SLC38A8: variants seen among roughly 807,000 people sequenced by gnomAD.
The protein encoded by SLC38A8 is amino acid transporter SLC38A8.
Under a neutral mutation model 46.0 loss-of-function variants are expected in SLC38A8, and 65 were observed. The ratio of observed to expected loss-of-function variants is 1.41; its 90% CI spans 1.16 to 1.74. The LOEUF is 1.74. SLC38A8 is among the 40% of genes most tolerant of loss of function. SLC38A8 has a pLI of 0.00. For synonymous variants in SLC38A8, 447 were observed against 243.7 expected, an observed-to-expected ratio of 1.83 and a Z score of -7.77; for missense variants, 998 against 567.9, an observed-to-expected ratio of 1.76 and a Z score of -7.70.
intron 9 of SLC38A8, among the ~76,000 whole-genome samples, chr16:84,013,721 A>AC (rs888560651): frequency 2.1e-5 from 3 of 139,778 alleles, no homozygotes; most frequent in African/African-American, 8.1e-5. Context: ...GAGCCACTGC[A>AC]CCCAGCCCTT....
At chr16:84,020,055 G>A (rs930824386) in intron 7 of SLC38A8, among the ~76,000 whole-genome samples, 4 of 152,198 alleles carry the variant, frequency 2.6e-5, no homozygotes, top group South Asian at 2.1e-4. Flanking sequence ...AGTCCCAGTG[G>A]CAGTCCCACT....
chr16:84,013,153 C>T, intron 9 of SLC38A8, 101 bp from the exon 10 acceptor site: 1 of 1,391,614 alleles, frequency 7.2e-7, no homozygotes, highest in Non-Finnish European at 1.0e-6. Flanking sequence ...GCCAGCAAGG[C>T]CTCCGCCCAT....
At chr16:84,034,038 G>C (rs2085275530) in intron 3 of SLC38A8, among the ~76,000 whole-genome samples, 1 of 152,188 alleles carries the variant, frequency 6.6e-6, no homozygotes, top group African/African-American at 2.4e-5. Context: ...GTTGCTTGGG[G>C]GGTCTCTGGC....
At chr16:84,042,859 G>A (rs1431599055), upstream of SLC38A8, among the ~76,000 whole-genome samples, 1 of 146,308 alleles carries the variant, frequency 6.8e-6, no homozygotes, top group African/African-American at 2.6e-5. Flanking sequence ...CCAGCCCCCT[G>A]CAGGCCCGGC....
At chr16:84,016,816 C>T (rs1301286704) in intron 8 of SLC38A8, 89 bp from the exon 9 acceptor site, 20 of 1,369,586 alleles carry the variant, frequency 1.5e-5, no homozygotes, top group Non-Finnish European at 1.8e-5. Flanking sequence ...CAGGAGTCCC[C>T]TCACACCTGT....
chr16:84,027,379 A>G (rs1196058982), intron 6 of SLC38A8, among the ~76,000 whole-genome samples: 1 of 150,488 alleles, frequency 6.6e-6, no homozygotes, highest in Non-Finnish European at 1.5e-5. Flanking sequence ...AAACAAACAA[A>G]CAAACAAACA....
At chr16:84,021,625 C>A (rs189019477) in intron 7 of SLC38A8, among the ~76,000 whole-genome samples, 50 of 152,314 alleles carry the variant, frequency 3.3e-4, no homozygotes, top group Non-Finnish European at 5.9e-4. Flanking sequence ...TAGCCTGCTC[C>A]TCCGAATTCT....
In SLC38A8 at chr16:84,042,164, A is replaced by AGGC. The variant is rs1186543900; in HGVS notation, c.-2-8_-2-6dup. 6.2e-7 allele frequency: 1 copy of AGGC among 1,604,118 alleles called. No homozygotes were observed. Among genetic ancestry groups the AGGC allele is most frequent in the Non-Finnish European group, 8.5e-7 (1 of 1,176,094 alleles). On this transcript the variant is annotated splice_region_variant and splice_polypyrimidine_tract_variant and intron_variant, in intron 1 of 10. Coordinates refer to ENST00000299709, the MANE Select transcript of SLC38A8 (RefSeq NM_001080442.3). Reference sequence around the variant, plus strand: ...CTGGGGTCTGTCCCTCCATGGCTAGAGGCGGCAGAGGGGTGGAGAGAAAGC... The same window carrying AGGC: ...CTGGGGTCTGTCCCTCCATGGCTAGAGGCGGCGGCAGAGGGGTGGAGAGAAAGC...
At chr16:84,018,015 T>C (rs1453659389) in intron 7 of SLC38A8, among the ~76,000 whole-genome samples, 1 of 152,056 alleles carries the variant, frequency 6.6e-6, no homozygotes, top group Non-Finnish European at 1.5e-5. Context: ...AACCACAGTA[T>C]CTTAGTCCAT....
chr16:84,042,266 G>A (rs966279222), intron 1 of SLC38A8, 107 bp from the exon 2 acceptor site: 18 of 1,202,852 alleles, frequency 1.5e-5, no homozygotes, highest in South Asian at 1.3e-4. Context: ...TCCCTGAGCC[G>A]CTCCTGCCCG....
At chr16:84,028,295 G>C (rs8058109) in intron 6 of SLC38A8, among the ~76,000 whole-genome samples, 2 of 151,996 alleles carry the variant, frequency 1.3e-5, no homozygotes, top group African/African-American at 4.8e-5. Flanking sequence ...AAAATAAGCA[G>C]CGTGGCCAGG....
intron 10 of SLC38A8, among the ~76,000 whole-genome samples, chr16:84,012,120 T>C (rs1236142936): frequency 2.0e-5 from 3 of 152,170 alleles, no homozygotes; most frequent in Non-Finnish European, 4.4e-5. Context: ...CTCCCCACCA[T>C]GCCCCAATTT....
intron 5 of SLC38A8, among the ~76,000 whole-genome samples, chr16:84,031,212 A>C (rs2010830): frequency 6.6e-6 from 1 of 151,816 alleles, no homozygotes; most frequent in East Asian, 1.9e-4. Context: ...GCTGAATTTT[A>C]TATTTTTATG....
chr16:84,035,929 G>T (rs145115045), intron 3 of SLC38A8, among the ~76,000 whole-genome samples: 5 of 152,192 alleles, frequency 3.3e-5, no homozygotes, highest in Admixed American at 2.6e-4. Context: ...CACAGCTGTT[G>T]ACTGCCTTGA....
At chr16:84,038,182 A>T (rs2085323376) in intron 2 of SLC38A8, among the ~76,000 whole-genome samples, 1 of 152,002 alleles carries the variant, frequency 6.6e-6, no homozygotes, top group South Asian at 2.1e-4. Flanking sequence ...ATGGTGGCAC[A>T]TGCCTGTAAT....
chr16:84,028,512 G>C (rs1037529152), intron 6 of SLC38A8, among the ~76,000 whole-genome samples: 2 of 151,174 alleles, frequency 1.3e-5, no homozygotes, highest in South Asian at 2.1e-4. Flanking sequence ...AGTGCAGTGA[G>C]CTGAGATCCA....
At chr16:84,032,882 G>C (rs2085259106) in intron 4 of SLC38A8, among the ~76,000 whole-genome samples, 2 of 152,004 alleles carry the variant, frequency 1.3e-5, no homozygotes, top group South Asian at 2.1e-4. Flanking sequence ...GGACATGCGG[G>C]GATGGGGGTG....
intron 2 of SLC38A8, among the ~76,000 whole-genome samples, chr16:84,039,203 C>T (rs1047877474): frequency 1.3e-5 from 2 of 152,168 alleles, no homozygotes; most frequent in African/African-American, 2.4e-5. Context: ...CTGACACCTT[C>T]ATGTCAGATT....
Position 84,036,685 on chromosome 16 carries a change from C to A in SLC38A8, c.388+17G>T, listed in dbSNP as rs1474515339. Reference sequence around the variant, plus strand: ...TCCGGCACCCTGGGCCACCCCGAGTCCCATGAAGGTACTTACGCTTCTCCA... The same window carrying A: ...TCCGGCACCCTGGGCCACCCCGAGTACCATGAAGGTACTTACGCTTCTCCA... On this transcript the variant is annotated intron_variant, in intron 3 of 10. Coordinates refer to ENST00000299709, the MANE Select transcript of SLC38A8 (RefSeq NM_001080442.3). The A allele has an allele frequency of 8.1e-6, 13 of 1,613,752 alleles. No individual in the cohort carries two copies. In the East Asian group the frequency reaches 2.5e-4, roughly 30 times the overall value.
Sources: gnomAD v4.1 joint callset for allele counts (sites outside exome capture counted in the v4.1 genomes callset) on GRCh38, gnomAD v4.1.1 for gene constraint, MANE v1.5 for transcripts, NCBI Gene and HGNC (gene_info 2026-07-23, HGNC 2026-07-21) for gene names.